The following NRCAM variants were observed in gnomAD, a reference collection of about 807,000 sequenced individuals.
NRCAM encodes neuronal cell adhesion molecule.
In NRCAM, 83 loss-of-function variants were observed where a neutral mutation model predicts 156.5. That is an observed-to-expected ratio of 0.53 (90% confidence interval 0.44 to 0.64). The LOEUF (loss-of-function observed/expected upper bound fraction) is 0.64, where lower values mean the gene tolerates loss of function less well. Among genes scored for constraint, NRCAM ranks in the 30% least tolerant of loss-of-function variants. NRCAM has a pLI of 0.00. For synonymous variants in NRCAM, 538 were observed against 563.9 expected (o/e 0.95, Z 0.65); for missense variants, 1,417 against 1,597.3 (o/e 0.89, Z 1.92).
rs764942537 is a variant in NRCAM at position 108,194,011 on chromosome 7, C to T, written c.1778+13G>A. ...AAGAATGAAGAGAAAGTAAAGAAAT[C>T]GTCTTCAAATACCTTTCATCACTGG... On this transcript the variant is annotated intron_variant, in intron 17 of 32. Coordinates refer to ENST00000379028, the MANE Select transcript of NRCAM (RefSeq NM_001037132.4). 15 of 1,609,730 alleles carry T rather than the reference C, an allele frequency of 9.3e-6. No individual in the cohort carries two copies. The highest frequency in any genetic ancestry group is 1.3e-5 in the African/African-American group (1 of 74,798).
intron 2 of NRCAM, among the ~76,000 whole-genome samples, chr7:108,333,463 C>G (rs2099147584): frequency 6.6e-6 from 1 of 152,040 alleles, no homozygotes; most frequent in Non-Finnish European, 1.5e-5. Context: ...TCTATTTTAA[C>G]AAAACTCACC....
intron 1 of NRCAM, among the ~76,000 whole-genome samples, chr7:108,441,875 A>G (rs1838935174): frequency 6.6e-6 from 1 of 152,232 alleles, no homozygotes; most frequent in African/African-American, 2.4e-5. Context: ...AAATGCCTAC[A>G]TATTTGTACT....
intron 2 of NRCAM, among the ~76,000 whole-genome samples, chr7:108,330,440 G>T (rs144480212): frequency 2.2e-4 from 34 of 152,278 alleles, no homozygotes; most frequent in Non-Finnish European, 4.1e-4. Flanking sequence ...TCAGCACACT[G>T]CTTCACTACA....
At chr7:108,154,535 G>A (rs1404105568) in intron 32 of NRCAM, among the ~76,000 whole-genome samples, 2 of 146,666 alleles carry the variant, frequency 1.4e-5, no homozygotes, top group Non-Finnish European at 3.0e-5. Context: ...CTTAACGGCT[G>A]TGGTGGAGGA....
intron 2 of NRCAM, among the ~76,000 whole-genome samples, chr7:108,389,573 G>C (rs755064131): frequency 2.0e-5 from 3 of 152,038 alleles, no homozygotes; most frequent in East Asian, 3.9e-4. Flanking sequence ...ATTGCCCTGG[G>C]CAGAACTTCC....
At chr7:108,344,359 G>A (rs982817345) in intron 2 of NRCAM, among the ~76,000 whole-genome samples, 2 of 151,972 alleles carry the variant, frequency 1.3e-5, no homozygotes, top group African/African-American at 2.4e-5. Context: ...ATCATCTATC[G>A]CCTGAGAGCA....
At chr7:108,358,657 A>G (rs187676460) in intron 2 of NRCAM, among the ~76,000 whole-genome samples, 14 of 152,310 alleles carry the variant, frequency 9.2e-5, no homozygotes, top group African/African-American at 2.9e-4. Flanking sequence ...CAATAACTGC[A>G]TAACTGCTGG....
Position 108,166,160 on chromosome 7 carries a change from A to G in NRCAM, c.3466+761T>C, listed in dbSNP as rs2053978721. Among the ~76,000 whole-genome samples the G allele has an allele frequency of 2.6e-5, 4 of 152,278 alleles. No individual in the cohort carries two copies. In the South Asian group the frequency reaches 8.3e-4, roughly 32 times the overall value. On this transcript the variant is annotated intron_variant, in intron 30 of 32. Transcript: ENST00000379028. ...GTTCTTGTTCCATACAAATGTAATA[A>G]TATCTGTATCAGTTGTCTAAGCTGA...
At chr7:108,359,536 C>T (rs541738392) in intron 2 of NRCAM, among the ~76,000 whole-genome samples, 2 of 152,114 alleles carry the variant, frequency 1.3e-5, no homozygotes, top group African/African-American at 2.4e-5. Flanking sequence ...ATATGGAACA[C>T]GTGTGAGAAA....
intron 2 of NRCAM, among the ~76,000 whole-genome samples, chr7:108,343,724 C>T (rs6466221): frequency 0.9 from 136,413 of 152,256 alleles, 61,185 homozygotes; most frequent in East Asian, 1. Flanking sequence ...CACTTAGGCA[C>T]TGATAACACC....
At chr7:108,394,102 A>T (rs1412589799) in intron 2 of NRCAM, among the ~76,000 whole-genome samples, 1 of 152,190 alleles carries the variant, frequency 6.6e-6, no homozygotes, top group African/African-American at 2.4e-5. Flanking sequence ...TTGTGTTCCC[A>T]AGTCGACCAC....
chr7:108,443,540 T>C (rs1034516831), intron 1 of NRCAM, among the ~76,000 whole-genome samples: 1 of 152,206 alleles, frequency 6.6e-6, no homozygotes, highest in African/African-American at 2.4e-5. Context: ...GGCTTTGCTT[T>C]CCTCAGCTTG....
At chr7:108,289,639 A>C (rs192538883) in intron 3 of NRCAM, among the ~76,000 whole-genome samples, 57 of 152,262 alleles carry the variant, frequency 3.7e-4, no homozygotes, top group Non-Finnish European at 7.5e-4. Flanking sequence ...TTGTTGAATT[A>C]AATGCCATCA....
chr7:108,399,161 G>A (rs989484252), intron 2 of NRCAM, among the ~76,000 whole-genome samples: 2 of 131,616 alleles, frequency 1.5e-5, no homozygotes, highest in South Asian at 2.6e-4. Flanking sequence ...TTTAAAAGGG[G>A]TGTGTGTGTT....
chr7:108,389,684 C>T (rs2154372981), intron 2 of NRCAM, among the ~76,000 whole-genome samples: 1 of 152,266 alleles, frequency 6.6e-6, no homozygotes, highest in African/African-American at 2.4e-5. Flanking sequence ...ATGATATTGG[C>T]TATGGGTTTG....
chr7:108,275,098 G>T (rs759385512), intron 3 of NRCAM, among the ~76,000 whole-genome samples: 2 of 152,118 alleles, frequency 1.3e-5, no homozygotes, highest in African/African-American at 2.4e-5. Flanking sequence ...CAACTTGCTC[G>T]TGGTGGATAA....
At chr7:108,427,256 GCTTAATTAATGAA>G (rs1818522122) in intron 1 of NRCAM, among the ~76,000 whole-genome samples, 1 of 152,208 alleles carries the variant, frequency 6.6e-6, no homozygotes, top group Admixed American at 6.5e-5. Flanking sequence ...AAAACCTAGG[GCTTAATTAATGAA>G]CAATACAGGC....
In NRCAM at chr7:108,303,687, C is replaced by T. The variant is rs146745220; in HGVS notation, c.-107+8978G>A. On this transcript the variant is annotated intron_variant, in intron 3 of 32. Coordinates refer to ENST00000379028, the MANE Select transcript of NRCAM (RefSeq NM_001037132.4). Reference sequence around the variant, plus strand: ...CAAGGCACTTGGAGTGTATCTACTACATGGCTTCATGTAGGATCTAGTTGG... The same window carrying T: ...CAAGGCACTTGGAGTGTATCTACTATATGGCTTCATGTAGGATCTAGTTGG... Among the ~76,000 whole-genome samples, 7 of 152,236 alleles carry T rather than the reference C, an allele frequency of 4.6e-5. No individual in the cohort carries two copies. In the East Asian group the frequency reaches 1.4e-3, roughly 29 times the overall value.
At position 108,284,191 on chromosome 7, in the gene NRCAM, G is replaced by T. The variant is rs374212950; in HGVS notation, c.-107+28474C>A. Among the ~76,000 whole-genome samples the T allele has an allele frequency of 1.5e-4, 23 of 152,122 alleles. No homozygotes were observed. The East Asian group carries it at 3.7e-3, about 24-fold the overall frequency. ...GAAAATTCTATTCTACTTTGTCTTT[G>T]TTGTTCCTACTATAAACATCTGATG... On this transcript the variant is annotated intron_variant, in intron 3 of 32. Coordinates refer to ENST00000379028, the MANE Select transcript of NRCAM (RefSeq NM_001037132.4).
Sources: allele counts gnomAD v4.1 joint callset (sites outside exome capture counted in the v4.1 genomes callset), GRCh38; gene constraint gnomAD v4.1.1; transcripts MANE v1.5; gene names NCBI Gene and HGNC (gene_info 2026-07-23, HGNC 2026-07-21).